PC: variants seen among roughly 807,000 people sequenced by gnomAD.
PC encodes the protein pyruvate carboxylase, mitochondrial.
In PC, 46 loss-of-function variants were observed where a neutral mutation model predicts 107.8. The observed-to-expected ratio is 0.43, with a 90% CI of 0.34 to 0.55. The LOEUF (loss-of-function observed/expected upper bound fraction) is 0.55, where lower values mean the gene tolerates loss of function less well. Ranked by LOEUF, PC falls within the 20% of genes least tolerant of loss-of-function variation. The pLI is 0.04. For synonymous variants in PC, 662 were observed against 684.7 expected, an observed-to-expected ratio of 0.97 and a Z score of 0.52; for missense variants, 1,241 against 1,643.1, an observed-to-expected ratio of 0.76 and a Z score of 4.23.
intron 16 of PC, 124 bp downstream of exon 16, chr11:66,851,666 G>T: frequency 9.8e-7 from 1 of 1,016,464 alleles, no homozygotes; most frequent in Non-Finnish European, 1.5e-6. Flanking sequence ...AGCAGCCCCT[G>T]CTGCGTGTGG....
At chr11:66,853,500 G>A in intron 12 of PC, 117 bp from the exon 13 acceptor site, 1 of 1,231,812 alleles carries the variant, frequency 8.1e-7, no homozygotes. Flanking sequence ...CACAGCTTCT[G>A]GGCCTCCCTG....
intron 16 of PC, among the ~76,000 whole-genome samples, 196 bp from the exon 17 acceptor site, chr11:66,851,476 G>C (rs1945488555): frequency 6.6e-6 from 1 of 152,198 alleles, no homozygotes; most frequent in Non-Finnish European, 1.5e-5. Context: ...AGCTAGGCCA[G>C]TGGCAGGCTG....
At chr11:66,862,634 C>A (rs940095198) in intron 12 of PC, among the ~76,000 whole-genome samples, 1 of 152,248 alleles carries the variant, frequency 6.6e-6, no homozygotes, top group Non-Finnish European at 1.5e-5. Context: ...GCTCTTCTTG[C>A]CATTCTGAGG....
chr11:66,879,502 A>T (rs1162756329), intron 3 of PC, among the ~76,000 whole-genome samples: 1 of 152,194 alleles, frequency 6.6e-6, no homozygotes, highest in East Asian at 1.9e-4. Context: ...TGCACAGAGG[A>T]GGGTGTCTGA....
intron 3 of PC, among the ~76,000 whole-genome samples, chr11:66,923,494 T>C (rs867358317): frequency 6.6e-6 from 1 of 151,588 alleles, no homozygotes; most frequent in African/African-American, 2.4e-5. Flanking sequence ...ATGGAATACA[T>C]AGGATTTGGG....
rs1239096979 is a variant in PC, at chr11:66,858,936, G to A, written c.1368+4838C>T. 6 of 1,576,380 alleles carry A rather than the reference G, an allele frequency of 3.8e-6. No individual in the cohort carries two copies. The highest frequency in any genetic ancestry group is 4.5e-5 in the East Asian group (2 of 44,136). On this transcript the variant is annotated intron_variant, in intron 12 of 22. Transcript: ENST00000393960. This position sits in a 1 kb window ranked among gnomAD's most constrained non-coding sequence, Gnocchi z 5.9. ...CGCCGCCTCCGCTCGCACTGCTGCCGAGGGTGAGGGGACGCTGGAGTCTGA... is the reference window on the plus strand; with the variant it reads ...CGCCGCCTCCGCTCGCACTGCTGCCAAGGGTGAGGGGACGCTGGAGTCTGA...
chr11:66,939,096 T>G (rs528561234), intron 3 of PC, among the ~76,000 whole-genome samples: 1 of 152,220 alleles, frequency 6.6e-6, no homozygotes, highest in African/African-American at 2.4e-5. Context: ...GTTTACTATA[T>G]GGTCAGCCCT....
At chr11:66,873,966 CT>C (rs1247452990) in intron 3 of PC, among the ~76,000 whole-genome samples, 78 of 143,774 alleles carry the variant, frequency 5.4e-4, no homozygotes, top group African/African-American at 4.8e-4. Flanking sequence ...TTTCTTTTTT[CT>C]TTTTTTTTTT....
intron 3 of PC, among the ~76,000 whole-genome samples, chr11:66,918,145 G>A (rs1215023493): frequency 2.0e-5 from 3 of 152,058 alleles, no homozygotes; most frequent in Non-Finnish European, 4.4e-5. Flanking sequence ...CACATGCAAG[G>A]CAATTAAAAT....
intron 12 of PC, chr11:66,859,781 C>T: frequency 1.2e-6 from 2 of 1,603,042 alleles, no homozygotes; most frequent in Non-Finnish European, 1.7e-6. Context: ...CCCATTTCTC[C>T]ACGCTGCCGG....
At chr11:66,897,772 C>G (rs1947809244) in intron 3 of PC, among the ~76,000 whole-genome samples, 1 of 152,152 alleles carries the variant, frequency 6.6e-6, no homozygotes. Context: ...CAGCCTTGAG[C>G]TCTACGGGGG....
chr11:66,922,624 G>A (rs1045386208), intron 3 of PC, among the ~76,000 whole-genome samples: 1 of 143,616 alleles, frequency 7.0e-6, no homozygotes, highest in African/African-American at 2.5e-5. Flanking sequence ...CACAACTCCA[G>A]CACTTCCAGA....
chr11:66,901,781 C>G (rs897922521), intron 3 of PC, among the ~76,000 whole-genome samples: 2 of 152,082 alleles, frequency 1.3e-5, no homozygotes, highest in African/African-American at 4.8e-5. Flanking sequence ...CCAGGAAATG[C>G]TATTTCTTCT....
chr11:66,907,771 C>T (rs1565279128), intron 3 of PC: 1 of 152,298 alleles, frequency 6.6e-6, no homozygotes, highest in Non-Finnish European at 1.5e-5. Flanking sequence ...GTGTGGGCAC[C>T]CCTACCCAGG....
chr11:66,852,368 C>T lies in PC; in HGVS notation c.1825+71G>A, dbSNP rs1591123798. The T allele has an allele frequency of 1.6e-6, 2 of 1,257,928 alleles. No individual in the cohort carries two copies. Among genetic ancestry groups the T allele is most frequent in the East Asian group, 2.3e-5 (1 of 43,300 alleles). 77.9% of individuals were successfully genotyped at this position (1,257,928 alleles called of 1,614,324 possible). A position where few individuals can be genotyped will look rare whatever the true frequency, so the allele number is the denominator to read the frequency against. On this transcript the variant is annotated intron_variant, in intron 15 of 22. Transcript: ENST00000393960. The surrounding 1 kb of genome is among the most constrained non-coding windows in gnomAD (Gnocchi z 4.7). ...AGCGTCTCTAGCTTGTCCCCAGTGG[C>T]CTAAGCCTGTGGGACTGGCCACAGA...
intron 3 of PC, among the ~76,000 whole-genome samples, chr11:66,941,873 C>T (rs993971985): frequency 6.6e-6 from 1 of 151,514 alleles, no homozygotes; most frequent in Non-Finnish European, 1.5e-5. Flanking sequence ...GAGGCTGAGG[C>T]GGGCAGATCA....
At chr11:66,947,776 A>G (rs1949335430) in intron 3 of PC, among the ~76,000 whole-genome samples, 1 of 151,060 alleles carries the variant, frequency 6.6e-6, no homozygotes, top group African/African-American at 2.4e-5. Flanking sequence ...CAGCCTGGCC[A>G]ACATGGTGAA....
At position 66,870,975 on chromosome 11, in the gene PC, G is replaced by A. The variant is rs1212562091; in HGVS notation, c.633+77C>T. ...TGCCATGAACCCCACCCACTTTCCA[G>A]ATCCCTTGAGTGGTCCGCCCCTGCC... On this transcript the variant is annotated intron_variant, in intron 7 of 22. Coordinates refer to ENST00000393960, the MANE Select transcript of PC (RefSeq NM_001040716.2). The surrounding 1 kb of genome is among the most constrained non-coding windows in gnomAD (Gnocchi z 6.1). 6.2e-7 allele frequency: 1 copy of A among 1,608,338 alleles called. No individual in the cohort carries two copies. The highest frequency in any genetic ancestry group is 8.5e-7 in the Non-Finnish European group (1 of 1,176,700).
Position 66,848,503 on chromosome 11 carries a change from C to T in PC, c.*396G>A. ...ACTGCTGAGTGGTGCAGGCTGGGGG[C>T]TGCACAGGATCCAGCATGGAGGGCA... On this transcript the variant is annotated 3_prime_UTR_variant, in exon 23 of 23. Coordinates refer to ENST00000393960, the MANE Select transcript of PC (RefSeq NM_001040716.2). 1.7e-6 allele frequency: 1 copy of T among 579,916 alleles called. No individual in the cohort carries two copies. The highest frequency in any genetic ancestry group is 3.0e-6 in the Non-Finnish European group (1 of 328,098). 35.9% of individuals were successfully genotyped at this position (579,916 alleles called of 1,614,324 possible). A position where few individuals can be genotyped will look rare whatever the true frequency, so the allele number is the denominator to read the frequency against.
Sources: gnomAD v4.1 joint callset for allele counts (sites outside exome capture counted in the v4.1 genomes callset) on GRCh38, gnomAD v4.1.1 for gene constraint, Gnocchi (gnomAD v3.1) non-coding constraint, MANE v1.5 for transcripts, NCBI Gene and HGNC (gene_info 2026-07-23, HGNC 2026-07-21) for gene names.